Variants in PDE11A observed in about 807,000 individuals in gnomAD.
PDE11A encodes the protein phosphodiesterase 11A.
In PDE11A, 100 loss-of-function variants were observed where a neutral mutation model predicts 100.5. That is an observed-to-expected ratio of 1.00 (90% CI 0.85 to 1.18). The LOEUF is 1.18. PDE11A is among the 50% of genes most tolerant of loss of function. PDE11A has a pLI of 0.00. For missense variants in PDE11A, 1,141 were observed against 1,152.6 expected, an observed-to-expected ratio of 0.99 and a Z score of 0.15; for synonymous variants, 381 against 420.8, an observed-to-expected ratio of 0.91 and a Z score of 1.16.
chr2:178,005,152 G>A (rs1471239343), intron 2 of PDE11A, among the ~76,000 whole-genome samples: 2 of 151,362 alleles, frequency 1.3e-5, no homozygotes, highest in African/African-American at 4.8e-5. Flanking sequence ...AACACCTGGA[G>A]TAAAGGGGAA....
chr2:177,695,371 T>C (rs916295807), intron 15 of PDE11A, among the ~76,000 whole-genome samples: 6 of 152,188 alleles, frequency 3.9e-5, no homozygotes, highest in African/African-American at 1.2e-4. Context: ...ATACAAAAAA[T>C]AATTTTTAGT....
At chr2:178,042,111 G>T (rs1445982513) in intron 1 of PDE11A, among the ~76,000 whole-genome samples, 7 of 152,128 alleles carry the variant, frequency 4.6e-5, no homozygotes, top group Non-Finnish European at 8.8e-5. Flanking sequence ...ATTTTCTTAT[G>T]CAGCCTCAGC....
intron 2 of PDE11A, among the ~76,000 whole-genome samples, chr2:177,952,224 A>C (rs1898012): frequency 0.011 from 1,728 of 152,320 alleles, 27 homozygotes; most frequent in East Asian, 0.074. Context: ...ACTCCTACTT[A>C]TATTCCAAGG....
chr2:177,923,880 C>T (rs1339140069), intron 2 of PDE11A, among the ~76,000 whole-genome samples: 2 of 152,048 alleles, frequency 1.3e-5, no homozygotes, highest in African/African-American at 4.8e-5. Context: ...GAACATCCAG[C>T]GCAATACCTA....
At chr2:177,977,673 A>T (rs1474750712) in intron 2 of PDE11A, among the ~76,000 whole-genome samples, 1 of 130,262 alleles carries the variant, frequency 7.7e-6, no homozygotes, top group African/African-American at 3.0e-5. Context: ...GCATCACACT[A>T]CCTGACTTCA....
At chr2:178,047,627 A>AG in intron 1 of PDE11A, among the ~76,000 whole-genome samples, 1 of 152,320 alleles carries the variant, frequency 6.6e-6, no homozygotes, top group Middle Eastern at 3.4e-3. Context: ...CTCTGGTAAC[A>AG]TGATAGAGCA....
At chr2:178,045,352 A>T (rs969511540) in intron 1 of PDE11A, among the ~76,000 whole-genome samples, 5 of 152,180 alleles carry the variant, frequency 3.3e-5, no homozygotes, top group African/African-American at 9.7e-5. Flanking sequence ...ATGAAAAATG[A>T]AAGTTTTTCA....
intron 2 of PDE11A, among the ~76,000 whole-genome samples, chr2:178,014,035 A>G (rs1203863529): frequency 1.3e-5 from 2 of 152,188 alleles, no homozygotes. Flanking sequence ...TATAAGGAAG[A>G]CAAAGACCAG....
chr2:177,702,591 A>T (rs2081215616), intron 13 of PDE11A: 1 of 152,154 alleles, frequency 6.6e-6, no homozygotes, highest in Non-Finnish European at 1.5e-5. Context: ...ACTGCATCTA[A>T]GTGCAACATG....
chr2:177,855,145 A>C (rs2083809143), intron 5 of PDE11A, among the ~76,000 whole-genome samples: 1 of 152,152 alleles, frequency 6.6e-6, no homozygotes, highest in South Asian at 2.1e-4. Flanking sequence ...ACAGTAGAAG[A>C]AAGAAGATCC....
intron 14 of PDE11A, 55 bp from the exon 15 acceptor site, chr2:177,697,487 A>G: frequency 1.1e-6 from 1 of 872,752 alleles, no homozygotes; most frequent in Admixed American, 1.7e-5. Context: ...GTTGTTGATT[A>G]CATGTTTTTC....
intron 4 of PDE11A, among the ~76,000 whole-genome samples, chr2:177,887,070 T>C (rs1233096198): frequency 6.6e-6 from 1 of 152,122 alleles, no homozygotes; most frequent in Non-Finnish European, 1.5e-5. Context: ...GTAATATTAC[T>C]ACATAGCAGG....
intron 2 of PDE11A, among the ~76,000 whole-genome samples, chr2:178,010,015 T>G (rs970749963): frequency 2.4e-4 from 37 of 152,202 alleles, no homozygotes; most frequent in African/African-American, 8.9e-4. Flanking sequence ...TCAAATTACT[T>G]TAGTCTGGCT....
chr2:177,681,936 CTG>C (rs2080872086), intron 15 of PDE11A, among the ~76,000 whole-genome samples: 1 of 152,220 alleles, frequency 6.6e-6, no homozygotes, highest in African/African-American at 2.4e-5. Flanking sequence ...CCTTGCAAAG[CTG>C]TCTCTTTTGG....
chr2:178,055,117 A>G (rs1263875182), intron 1 of PDE11A, among the ~76,000 whole-genome samples: 3 of 152,156 alleles, frequency 2.0e-5, no homozygotes, highest in African/African-American at 7.2e-5. Context: ...TCAATGATAG[A>G]CTGGATTAAG....
At chr2:178,106,074 T>C (rs923558117) in intron 1 of PDE11A, among the ~76,000 whole-genome samples, 5 of 152,200 alleles carry the variant, frequency 3.3e-5, no homozygotes, top group Non-Finnish European at 1.5e-5. Context: ...CAGAAAACGT[T>C]TGTGTTATTC....
Position 178,062,148 on chromosome 2 carries a change from G to C in PDE11A, c.912+9378C>G, listed in dbSNP as rs914037333. 2.6e-5 allele frequency among the ~76,000 whole-genome samples: 4 copies of C among 152,052 alleles called. No individual in the cohort carries two copies. The East Asian group carries it at 7.7e-4, about 29-fold the overall frequency. ...GAGATGCCTCAGCTTCCAGCTGTTC[G>C]TCTCCCTGCTTGGTTAATTCATGGC... is the stretch of plus-strand genomic sequence containing the variant. On this transcript the variant is annotated intron_variant, in intron 1 of 19. Transcript: ENST00000286063.
intron 2 of PDE11A, among the ~76,000 whole-genome samples, chr2:177,995,894 G>C (rs1352386212): frequency 2.6e-5 from 4 of 151,940 alleles, no homozygotes; most frequent in Non-Finnish European, 5.9e-5. Flanking sequence ...TCAGTATTTT[G>C]GCTGTATTTC....
intron 19 of PDE11A, among the ~76,000 whole-genome samples, chr2:177,647,165 C>T (rs1319397873): frequency 6.6e-6 from 1 of 152,192 alleles, no homozygotes; most frequent in Non-Finnish European, 1.5e-5. Flanking sequence ...CTGCTAATAC[C>T]ATCACCTGAA....
Sources: gnomAD v4.1 joint callset for allele counts (sites outside exome capture counted in the v4.1 genomes callset) on GRCh38, gnomAD v4.1.1 for gene constraint, MANE v1.5 for transcripts, NCBI Gene and HGNC (gene_info 2026-07-23, HGNC 2026-07-21) for gene names.